The following ITPR2 variants were observed in gnomAD, a reference collection of about 807,000 sequenced individuals.
ITPR2 encodes inositol 1,4,5-trisphosphate receptor type 2.
A neutral mutation model predicts 317.1 loss-of-function variants in ITPR2; 207 were observed. That is an observed-to-expected ratio of 0.65 (90% CI 0.58 to 0.73). ITPR2 has a LOEUF of 0.73. Among genes scored for constraint, ITPR2 ranks in the 30% least tolerant of loss-of-function variants. The pLI is 0.00. For synonymous variants in ITPR2, 1,156 were observed against 1,149.1 expected (o/e 1.01, Z -0.12); for missense variants, 2,613 against 3,284.0 (o/e 0.80, Z 4.99).
At position 26,715,743 on chromosome 12, in the gene ITPR2, CAT is replaced by C. The variant is rs1162984501; in HGVS notation, c.708+7_708+8del. The stretch of plus-strand genomic sequence containing the variant: ...CTCCCAGCAAATGTCCTGTGTAGCA[CAT>C]ACTTACTCCTTTTAATACATCCTCT... On this transcript the variant is annotated splice_region_variant and intron_variant, in intron 7 of 56. Transcript: ENST00000381340. The C allele has an allele frequency of 6.5e-7, 1 of 1,529,964 alleles. No individual in the cohort carries two copies. Among genetic ancestry groups the C allele is most frequent in the Non-Finnish European group, 9.0e-7 (1 of 1,105,742 alleles). 94.8% of individuals were successfully genotyped at this position (1,529,964 alleles called of 1,614,324 possible).
chr12:26,572,184 A>G (rs908778762), intron 34 of ITPR2, among the ~76,000 whole-genome samples: 8 of 152,192 alleles, frequency 5.3e-5, no homozygotes, highest in Non-Finnish European at 8.8e-5. Flanking sequence ...ACACAAAAAT[A>G]ATTTTGCACC....
intron 55 of ITPR2, among the ~76,000 whole-genome samples, chr12:26,351,795 A>G (rs750968353): frequency 5.3e-5 from 8 of 152,102 alleles, no homozygotes; most frequent in Non-Finnish European, 1.2e-4. Context: ...TCTCCTTGGG[A>G]CTTTAAGCCT....
intron 37 of ITPR2, among the ~76,000 whole-genome samples, chr12:26,513,843 C>A (rs562794873): frequency 6.6e-6 from 1 of 152,210 alleles, no homozygotes; most frequent in African/African-American, 2.4e-5. Context: ...ATAAAAGCTA[C>A]CCAGGAGGAA....
intron 37 of ITPR2, among the ~76,000 whole-genome samples, chr12:26,527,004 A>G (rs955452962): frequency 1.4e-4 from 22 of 152,180 alleles, no homozygotes; most frequent in African/African-American, 5.1e-4. Context: ...TTCTTTATGA[A>G]ATATCCTAGT....
At chr12:26,486,746 G>A in intron 40 of ITPR2, 1 of 562,574 alleles carries the variant, frequency 1.8e-6, no homozygotes. Flanking sequence ...TTGGAGTTTG[G>A]TGTGGTAATT....
chr12:26,788,548 T>C (rs1247166053), intron 2 of ITPR2, among the ~76,000 whole-genome samples: 1 of 152,174 alleles, frequency 6.6e-6, no homozygotes, highest in Middle Eastern at 3.2e-3. Flanking sequence ...GTGGTTGTTA[T>C]TTACCATCAC....
chr12:26,696,012 C>A (rs148338620), intron 9 of ITPR2, among the ~76,000 whole-genome samples: 4 of 150,600 alleles, frequency 2.7e-5, no homozygotes, highest in Non-Finnish European at 5.9e-5. Flanking sequence ...ACAAAAAAAA[C>A]CAGTGGGACA....
At chr12:26,682,767 A>C in intron 11 of ITPR2, 94 bp from the exon 12 acceptor site, 1 of 704,178 alleles carries the variant, frequency 1.4e-6, no homozygotes, top group Non-Finnish European at 2.4e-6. Flanking sequence ...TATGAACATA[A>C]ATACATATTA....
At chr12:26,599,874 C>A (rs1945952102) in intron 29 of ITPR2, 113 bp downstream of exon 29, 9 of 766,586 alleles carry the variant, frequency 1.2e-5, no homozygotes, top group African/African-American at 3.6e-5. Context: ...AGAATTTCCA[C>A]AAGGAAAAAA....
At chr12:26,813,428 G>A (rs1362814385) in intron 1 of ITPR2, among the ~76,000 whole-genome samples, 1 of 152,174 alleles carries the variant, frequency 6.6e-6, no homozygotes, top group Non-Finnish European at 1.5e-5. Flanking sequence ...AATTTACTGT[G>A]AGAAATATTC....
At chr12:26,609,570 C>T (rs1946217370) in intron 26 of ITPR2, among the ~76,000 whole-genome samples, 4 of 151,946 alleles carry the variant, frequency 2.6e-5, no homozygotes, top group Admixed American at 2.6e-4. Context: ...CACCACTGCA[C>T]TCCAGCCTGA....
intron 48 of ITPR2, among the ~76,000 whole-genome samples, chr12:26,429,049 T>G (rs1397352070): frequency 6.6e-6 from 1 of 152,228 alleles, no homozygotes; most frequent in Non-Finnish European, 1.5e-5. Context: ...TGCTACCGCA[T>G]GCAAAACACC....
chr12:26,769,026 C>CACACA (rs201911951), intron 2 of ITPR2, among the ~76,000 whole-genome samples: 1 of 149,730 alleles, frequency 6.7e-6, no homozygotes, highest in African/African-American at 2.5e-5. Context: ...CACACACACA[C>CACACA]CCCAATCTCA....
chr12:26,772,523 T>TTATATATATAATAATGTATTA (rs376560685), intron 2 of ITPR2, among the ~76,000 whole-genome samples: 2 of 90,940 alleles, frequency 2.2e-5, no homozygotes, highest in Non-Finnish European at 5.0e-5. Context: ...TAATACATTA[T>TTATATATATAATAATGTATTA]TATATATAAT....
chr12:26,522,618 G>A (rs144940527), intron 37 of ITPR2, among the ~76,000 whole-genome samples: 180 of 152,248 alleles, frequency 1.2e-3, no homozygotes, highest in African/African-American at 4.0e-3. Flanking sequence ...AATACCTACT[G>A]CAGATAGTTA....
intron 22 of ITPR2, 94 bp from the exon 23 acceptor site, chr12:26,628,256 A>G (rs1366020772): frequency 2.2e-6 from 2 of 927,652 alleles, no homozygotes; most frequent in Non-Finnish European, 3.1e-6. Flanking sequence ...GGAAGTACCA[A>G]CCTTTCAAAG....
intron 32 of ITPR2, among the ~76,000 whole-genome samples, chr12:26,586,951 G>C (rs1391683776): frequency 6.6e-6 from 1 of 151,928 alleles, no homozygotes; most frequent in African/African-American, 2.4e-5. Context: ...GCTGTTTACA[G>C]AAAAAGTTCA....
intron 37 of ITPR2, among the ~76,000 whole-genome samples, chr12:26,504,764 A>T (rs1943147956): frequency 6.6e-6 from 1 of 152,244 alleles, no homozygotes; most frequent in South Asian, 2.1e-4. Context: ...TATCTGCATG[A>T]TAGCAATAGC....
At chr12:26,446,118 A>G (rs1194289933) in intron 45 of ITPR2, among the ~76,000 whole-genome samples, 1 of 152,120 alleles carries the variant, frequency 6.6e-6, no homozygotes, top group African/African-American at 2.4e-5. Flanking sequence ...GGAAGCTGAT[A>G]ATGAGGACGA....
Sources: allele counts gnomAD v4.1 joint callset (sites outside exome capture counted in the v4.1 genomes callset), GRCh38; gene constraint gnomAD v4.1.1; transcripts MANE v1.5; gene names NCBI Gene and HGNC (gene_info 2026-07-23, HGNC 2026-07-21).